The following ASIC2 variants were observed in gnomAD, a reference collection of about 807,000 sequenced individuals.
ASIC2 encodes acid-sensing ion channel 2.
In ASIC2, 25 loss-of-function variants were observed where a neutral mutation model predicts 57.3. The ratio of observed to expected loss-of-function variants is 0.44; its 90% confidence interval spans 0.32 to 0.61. ASIC2 has a LOEUF of 0.61. Ranked by LOEUF, ASIC2 falls within the 20% of genes least tolerant of loss-of-function variation. The probability of loss-of-function intolerance (pLI) is 0.06; values close to 1 mark genes in which losing one functional copy is unlikely to be tolerated. For missense variants in ASIC2, 641 were observed against 738.1 expected, an observed-to-expected ratio of 0.87 and a Z score of 1.52; for synonymous variants, 319 against 307.5, an observed-to-expected ratio of 1.04 and a Z score of -0.39.
chr17:33,825,737 C>T (rs560537330), intron 1 of ASIC2, among the ~76,000 whole-genome samples: 15 of 152,118 alleles, frequency 9.9e-5, no homozygotes, highest in Non-Finnish European at 1.8e-4. Context: ...TGGACACCAT[C>T]GAATCTAAGA....
intron 1 of ASIC2, among the ~76,000 whole-genome samples, chr17:33,480,021 T>C (rs190557189): frequency 1.3e-5 from 2 of 152,328 alleles, no homozygotes; most frequent in Admixed American, 1.3e-4. Flanking sequence ...CTCCGGGTTC[T>C]AAAGCATGCT....
intron 1 of ASIC2, among the ~76,000 whole-genome samples, chr17:33,958,837 C>T (rs1406270485): frequency 2.0e-5 from 3 of 152,122 alleles, no homozygotes; most frequent in African/African-American, 7.2e-5. Context: ...TTTTTCTTTT[C>T]TACTGCATGG....
intron 1 of ASIC2, among the ~76,000 whole-genome samples, chr17:33,921,018 T>C (rs1262753127): frequency 1.3e-5 from 2 of 152,214 alleles, no homozygotes; most frequent in Non-Finnish European, 2.9e-5. Context: ...AAAGCTGTTA[T>C]AGTAGTGCCT....
intron 1 of ASIC2, among the ~76,000 whole-genome samples, chr17:33,358,815 C>T (rs1908487653): frequency 6.6e-6 from 1 of 152,110 alleles, no homozygotes; most frequent in Non-Finnish European, 1.5e-5. Context: ...GAGTTAGGGA[C>T]CTCTTTGTAT....
intron 1 of ASIC2, among the ~76,000 whole-genome samples, chr17:34,092,941 T>C (rs770591803): frequency 4.6e-5 from 7 of 152,218 alleles, no homozygotes; most frequent in Non-Finnish European, 8.8e-5. Context: ...TTTATATCAA[T>C]GGTATCATAA....
intron 1 of ASIC2, among the ~76,000 whole-genome samples, chr17:33,557,135 T>C (rs910438300): frequency 1.3e-5 from 2 of 152,196 alleles, no homozygotes; most frequent in Non-Finnish European, 2.9e-5. Flanking sequence ...TTACTTCCTA[T>C]AATGTGGTAA....
intron 1 of ASIC2, chr17:34,036,858 A>C (rs1284028213): frequency 2.0e-5 from 3 of 152,428 alleles, no homozygotes; most frequent in African/African-American, 4.8e-5. Context: ...AATGGCAAAA[A>C]CCCACACATC....
At chr17:33,875,936 G>T (rs1304044985) in intron 1 of ASIC2, among the ~76,000 whole-genome samples, 1 of 151,856 alleles carries the variant, frequency 6.6e-6, no homozygotes, top group Non-Finnish European at 1.5e-5. Context: ...CAAAAAAGGA[G>T]AAAAATGTTT....
At chr17:33,687,940 G>T (rs1908245971) in intron 1 of ASIC2, among the ~76,000 whole-genome samples, 1 of 152,092 alleles carries the variant, frequency 6.6e-6, no homozygotes, top group Non-Finnish European at 1.5e-5. Flanking sequence ...AGTATTTGTG[G>T]GACCGAAACC....
At chr17:33,318,103 T>G (rs1415621488) in intron 1 of ASIC2, among the ~76,000 whole-genome samples, 3 of 152,180 alleles carry the variant, frequency 2.0e-5, no homozygotes, top group Non-Finnish European at 4.4e-5. Flanking sequence ...AGGCAGCAGC[T>G]GGCAGCCTCC....
At chr17:33,164,602 A>ACT (rs1905255524) in intron 1 of ASIC2, among the ~76,000 whole-genome samples, 1 of 150,532 alleles carries the variant, frequency 6.6e-6, no homozygotes, top group Non-Finnish European at 1.5e-5. Context: ...ACACACACAC[A>ACT]CTTATACACA....
chr17:33,070,965 G>C (rs1180551744), intron 3 of ASIC2, among the ~76,000 whole-genome samples: 5 of 151,856 alleles, frequency 3.3e-5, no homozygotes, highest in African/African-American at 7.3e-5. Context: ...TTCTGGTGAG[G>C]AATCTACTGT....
intron 1 of ASIC2, among the ~76,000 whole-genome samples, chr17:34,105,904 T>C (rs557852825): frequency 1.3e-5 from 2 of 152,218 alleles, no homozygotes; most frequent in South Asian, 2.1e-4. Flanking sequence ...AATTCATACA[T>C]TTACATTTAT....
chr17:34,082,724 C>A (rs1302694778), intron 1 of ASIC2, among the ~76,000 whole-genome samples: 1 of 152,224 alleles, frequency 6.6e-6, no homozygotes, highest in East Asian at 1.9e-4. Flanking sequence ...CTTACTAAAT[C>A]CTTTTGCACA....
intron 1 of ASIC2, among the ~76,000 whole-genome samples, chr17:33,229,058 A>G (rs923863276): frequency 4.6e-5 from 7 of 152,172 alleles, no homozygotes; most frequent in Admixed American, 2.0e-4. Flanking sequence ...AGTGGGCACA[A>G]CTAGCCTCGA....
At chr17:33,027,327 T>C (rs114643562) in intron 4 of ASIC2, among the ~76,000 whole-genome samples, 1,701 of 152,256 alleles carry the variant, frequency 0.011, 27 homozygotes, top group African/African-American at 0.039. Flanking sequence ...CAGAAAACAA[T>C]TGGTAATGAA....
At chr17:33,394,430 T>A (rs1054256164) in intron 1 of ASIC2, among the ~76,000 whole-genome samples, 1 of 151,916 alleles carries the variant, frequency 6.6e-6, no homozygotes, top group African/African-American at 2.4e-5. Flanking sequence ...TTCAAATTAC[T>A]GGGCTGGGCC....
chr17:33,326,685 A>T lies in ASIC2; in HGVS notation c.556-214618T>A, dbSNP rs1046425174. Among the ~76,000 whole-genome samples, 10 of 152,198 alleles carry T rather than the reference A, an allele frequency of 6.6e-5. No homozygotes were observed. In the East Asian group the frequency reaches 1.9e-3, roughly 29 times the overall value. On this transcript the variant is annotated intron_variant, in intron 1 of 9. Transcript: ENST00000359872. ...CTGGGGAGGGCCTGTAGAATTGCTG[A>T]TGAACTTTTTCCCCAAAGGGCCTCC...
intron 1 of ASIC2, among the ~76,000 whole-genome samples, chr17:33,849,898 T>C (rs983883588): frequency 4.6e-5 from 7 of 152,204 alleles, no homozygotes; most frequent in South Asian, 2.1e-4. Flanking sequence ...GTGGATTGGA[T>C]TGAGGCAAAG....
Sources: allele counts gnomAD v4.1 joint callset (sites outside exome capture counted in the v4.1 genomes callset), GRCh38; gene constraint gnomAD v4.1.1; transcripts MANE v1.5; gene names NCBI Gene and HGNC (gene_info 2026-07-23, HGNC 2026-07-21).